The following CNTNAP2 variants were observed in gnomAD, a reference collection of about 807,000 sequenced individuals.
CNTNAP2 encodes the protein contactin associated protein 2.
A neutral mutation model predicts 155.2 loss-of-function variants in CNTNAP2; 98 were observed. That is an observed-to-expected ratio of 0.63 (90% CI 0.54 to 0.75). The LOEUF is 0.75. Among genes scored for constraint, CNTNAP2 ranks in the 30% least tolerant of loss-of-function variants. The pLI, the probability that CNTNAP2 is intolerant of heterozygous loss-of-function variation, is 0.00. For synonymous variants in CNTNAP2, 651 were observed against 631.2 expected, an observed-to-expected ratio of 1.03 and a Z score of -0.47; for missense variants, 1,727 against 1,688.1, an observed-to-expected ratio of 1.02 and a Z score of -0.40.
intron 8 of CNTNAP2, among the ~76,000 whole-genome samples, chr7:147,202,310 G>A (rs1413693264): frequency 1.3e-5 from 2 of 150,104 alleles, no homozygotes; most frequent in Non-Finnish European, 3.0e-5. Context: ...TGAAACAGTA[G>A]AGAAAATGAA....
chr7:147,288,472 A>C (rs936673170), intron 8 of CNTNAP2, among the ~76,000 whole-genome samples: 2 of 152,212 alleles, frequency 1.3e-5, no homozygotes, highest in African/African-American at 4.8e-5. Context: ...GCAAATTTAC[A>C]CGTTCCTCTC....
chr7:146,480,175 T>A (rs1371692044), intron 1 of CNTNAP2, among the ~76,000 whole-genome samples: 8 of 152,114 alleles, frequency 5.3e-5, no homozygotes, highest in Admixed American at 3.9e-4. Flanking sequence ...CTGTCTAAAC[T>A]GCAATCTACA....
chr7:147,805,871 A>G (rs1798082337), intron 13 of CNTNAP2, among the ~76,000 whole-genome samples: 2 of 152,212 alleles, frequency 1.3e-5, no homozygotes, highest in Admixed American at 6.5e-5. Context: ...GAGGGCTTCA[A>G]TGTAAGACCT....
intron 9 of CNTNAP2, among the ~76,000 whole-genome samples, chr7:147,319,638 A>G (rs1318632123): frequency 6.6e-6 from 1 of 152,208 alleles, no homozygotes; most frequent in African/African-American, 2.4e-5. Context: ...TCGGCCTCCC[A>G]AATTGCTGGG....
chr7:147,956,438 T>C (rs1222420018), intron 14 of CNTNAP2, among the ~76,000 whole-genome samples: 1 of 152,204 alleles, frequency 6.6e-6, no homozygotes, highest in Non-Finnish European at 1.5e-5. Context: ...CTCTGATTTC[T>C]CCTAAGTCTG....
chr7:147,367,247 G>T (rs1206101961), intron 9 of CNTNAP2, among the ~76,000 whole-genome samples: 1 of 152,146 alleles, frequency 6.6e-6, no homozygotes, highest in Non-Finnish European at 1.5e-5. Flanking sequence ...CAAGGAAATA[G>T]GGCCACATCC....
At chr7:147,999,091 CT>C (rs1033765894) in intron 15 of CNTNAP2, among the ~76,000 whole-genome samples, 3 of 150,990 alleles carry the variant, frequency 2.0e-5, no homozygotes, top group Non-Finnish European at 3.0e-5. Flanking sequence ...TTATAGAAGT[CT>C]TTTTTTTTGA....
intron 1 of CNTNAP2, among the ~76,000 whole-genome samples, chr7:146,330,288 C>T (rs1028985170): frequency 6.6e-6 from 1 of 152,118 alleles, no homozygotes; most frequent in Non-Finnish European, 1.5e-5. Context: ...TCCCAAAGTG[C>T]TGGGATTACA....
rs1398290979 is a variant in CNTNAP2, at chr7:148,331,353, ATGGATGGAGTGGAGGGATGGAG to A, written c.3476-52282_3476-52261del. Among the ~76,000 whole-genome samples the A allele has an allele frequency of 2.8e-5, 4 of 145,086 alleles. 1 individual carries two copies. The highest frequency in any genetic ancestry group is 1.1e-4 in the African/African-American group (4 of 37,842). ...CGGATGGAATGGACGGATGGAATGG[ATGGATGGAGTGGAGGGATGGAG>A]TGGATGGAGTGGACGGATGGAGTGG... On this transcript the variant is annotated intron_variant, in intron 21 of 23. Coordinates refer to ENST00000361727, the MANE Select transcript of CNTNAP2 (RefSeq NM_014141.6).
rs1214031495 is a variant in CNTNAP2, at chr7:148,378,065, A to G, written c.3476-5584A>G. ...CTTACGATGGGTGTATGGGGAGGTA[A>G]CCCCATTATACGTTGAAAAGCATCT... On this transcript the variant is annotated intron_variant, in intron 21 of 23. Transcript: ENST00000361727. Among the ~76,000 whole-genome samples, 2 of 67,892 alleles carry G rather than the reference A, an allele frequency of 2.9e-5. 1 individual carries two copies. Among genetic ancestry groups the G allele is most frequent in the Non-Finnish European group, 8.3e-5 (2 of 24,182 alleles). 44.5% of individuals were successfully genotyped at this position (67,892 alleles called of 152,430 possible).
intron 8 of CNTNAP2, among the ~76,000 whole-genome samples, chr7:147,297,721 T>A (rs62485027): frequency 6.6e-6 from 1 of 152,168 alleles, no homozygotes; most frequent in Non-Finnish European, 1.5e-5. Context: ...GTTATACATT[T>A]ATAAAGATAA....
At chr7:146,117,009 T>C (rs1346660148) in intron 1 of CNTNAP2, 36 bp downstream of exon 1, 1 of 1,516,386 alleles carries the variant, frequency 6.6e-7, no homozygotes, top group African/African-American at 1.4e-5. Context: ...TCTGGAGCAG[T>C]TTCAGTGCGG....
chr7:146,260,001 TG>T (rs1799896886), intron 1 of CNTNAP2, among the ~76,000 whole-genome samples: 1 of 152,214 alleles, frequency 6.6e-6, no homozygotes, highest in African/African-American at 2.4e-5. Context: ...GATGCTGTTC[TG>T]TGTAACCTCG....
intron 1 of CNTNAP2, among the ~76,000 whole-genome samples, chr7:146,611,166 T>C (rs1799130492): frequency 6.6e-6 from 1 of 152,232 alleles, no homozygotes; most frequent in South Asian, 2.1e-4. Flanking sequence ...GGTGCAGTGG[T>C]GCAATCACAG....
intron 13 of CNTNAP2, among the ~76,000 whole-genome samples, chr7:147,796,651 A>G (rs1797900649): frequency 6.6e-6 from 1 of 152,192 alleles, no homozygotes. Context: ...GCAGATAATC[A>G]ACAATTGAAT....
chr7:148,318,996 A>C (rs557753326), intron 21 of CNTNAP2, among the ~76,000 whole-genome samples: 1 of 152,372 alleles, frequency 6.6e-6, no homozygotes, highest in African/African-American at 2.4e-5. Flanking sequence ...TTCTCCTGAA[A>C]GTTTAACAAC....
Position 146,864,990 on chromosome 7 carries a change from T to TA in CNTNAP2, c.402+25108dup, listed in dbSNP as rs55646482. On this transcript the variant is annotated intron_variant, in intron 3 of 23. Transcript: ENST00000361727. The stretch of plus-strand genomic sequence containing the variant: ...TCCAGTCTGAGTGACAGAGTCTATC[T>TA]AAAAAAAAAAAAAAAAAAAAAAGTA... 5.2e-3 allele frequency among the ~76,000 whole-genome samples: 435 copies of TA among 83,972 alleles called. 10 individuals are homozygous for TA. The highest frequency in any genetic ancestry group is 0.02 in the South Asian group (44 of 2,208). The allele number at this position is 83,972 out of a possible 152,430, so 55.1% of individuals were successfully genotyped here.
In CNTNAP2 at chr7:147,956,860, T is replaced by G. The variant is rs796608751; in HGVS notation, c.2256-21002T>G. Reference sequence around the variant, plus strand: ...GGAGGGAAAAAGTCTTGGCTAGAGGTGTAAGAGAATGTGTGGAAGATGGAA... The same window carrying G: ...GGAGGGAAAAAGTCTTGGCTAGAGGGGTAAGAGAATGTGTGGAAGATGGAA... On this transcript the variant is annotated intron_variant, in intron 14 of 23. Transcript: ENST00000361727. 3.3e-5 allele frequency among the ~76,000 whole-genome samples: 5 copies of G among 152,046 alleles called. 1 individual carries two copies. Among genetic ancestry groups the G allele is most frequent in the African/African-American group, 1.2e-4 (5 of 41,476 alleles).
intron 15 of CNTNAP2, among the ~76,000 whole-genome samples, chr7:147,994,975 A>T (rs1201469161): frequency 6.6e-6 from 1 of 152,196 alleles, no homozygotes; most frequent in Non-Finnish European, 1.5e-5. Flanking sequence ...AGTCAGCAAA[A>T]GGAAACGTGC....
Sources: allele counts gnomAD v4.1 joint callset (sites outside exome capture counted in the v4.1 genomes callset), GRCh38; gene constraint gnomAD v4.1.1; transcripts MANE v1.5; gene names NCBI Gene and HGNC (gene_info 2026-07-23, HGNC 2026-07-21).